HSD17B2: variants seen among roughly 807,000 people sequenced by gnomAD.
HSD17B2 encodes 17-beta-hydroxysteroid dehydrogenase type 2.
A neutral mutation model predicts 26.9 loss-of-function variants in HSD17B2; 32 were observed. That is an observed-to-expected ratio of 1.19 (90% CI 0.90 to 1.60). The LOEUF is 1.60. Among genes scored for constraint, HSD17B2 ranks in the 40% most tolerant of loss-of-function variants. HSD17B2 has a pLI of 0.00. For missense variants in HSD17B2, 613 were observed against 468.6 expected (o/e 1.31, Z -2.85); for synonymous variants, 246 against 186.7 (o/e 1.32, Z -2.59).
intron 1 of HSD17B2, among the ~76,000 whole-genome samples, chr16:82,044,853 C>G (rs572241198): frequency 5.3e-4 from 81 of 152,182 alleles, no homozygotes; most frequent in African/African-American, 1.9e-3. Context: ...CATGGTGGCT[C>G]ACGCTTGTAA....
intron 4 of HSD17B2, chr16:82,091,761 C>G (rs1904701496): frequency 6.6e-6 from 1 of 152,552 alleles, no homozygotes; most frequent in African/African-American, 2.4e-5. Flanking sequence ...CTCCAGCTCT[C>G]AGTGTCCACC....
At position 82,098,093 on chromosome 16, in the gene HSD17B2, A is replaced by G; in HGVS notation, c.821A>G (p.Asp274Gly). The G allele has an allele frequency of 6.2e-7, 1 of 1,612,870 alleles. No individual in the cohort carries two copies. Among genetic ancestry groups the G allele is most frequent in the South Asian group, 1.1e-5 (1 of 90,922 alleles). ...GFLTNIAGTS[D>G]KWEKLEKDIL... ...ACCCCAGATATCGCAGGCACCAGTGACAAGTGGGAAAAGCTGGAGAAGGAC... is the reference window on the plus strand; with the variant it reads ...ACCCCAGATATCGCAGGCACCAGTGGCAAGTGGGAAAAGCTGGAGAAGGAC... Residue 274 changes from aspartate (D) to glycine (G), a missense_variant, in exon 5 of 5, where the codon GAC (aspartate) becomes GGC (glycine). Coordinates refer to ENST00000199936, the MANE Select transcript of HSD17B2 (RefSeq NM_002153.3).
chr16:82,074,521 A>C (rs902870143), intron 3 of HSD17B2, among the ~76,000 whole-genome samples: 1 of 152,260 alleles, frequency 6.6e-6, no homozygotes, highest in South Asian at 2.1e-4. Flanking sequence ...TTTCATGCAA[A>C]TGGGAACCAA....
intron 1 of HSD17B2, among the ~76,000 whole-genome samples, chr16:82,036,443 A>G (rs972773236): frequency 6.6e-6 from 1 of 151,746 alleles, no homozygotes; most frequent in Non-Finnish European, 1.5e-5. Flanking sequence ...TTAAGCTTGG[A>G]TAGGGCTGTA....
At chr16:82,090,837 A>G in intron 3 of HSD17B2, 65 bp from the exon 4 acceptor site, 3 of 1,450,384 alleles carry the variant, frequency 2.1e-6, no homozygotes, top group Non-Finnish European at 1.9e-6. Flanking sequence ...CACTGATTAA[A>G]TATTTATTGG....
At chr16:82,055,876 T>A (rs1914251073) in intron 1 of HSD17B2, among the ~76,000 whole-genome samples, 1 of 152,058 alleles carries the variant, frequency 6.6e-6, no homozygotes, top group Non-Finnish European at 1.5e-5. Context: ...TGGTGAGGAG[T>A]ACTGGAGTGA....
chr16:82,096,979 T>G (rs964457118), intron 4 of HSD17B2: 1 of 151,992 alleles, frequency 6.6e-6, no homozygotes, highest in Admixed American at 6.6e-5. Flanking sequence ...AAAGGAGAGA[T>G]TTTAAGGCTG....
intron 4 of HSD17B2, chr16:82,092,902 A>G (rs1159645892): frequency 2.0e-5 from 3 of 152,192 alleles, no homozygotes; most frequent in Non-Finnish European, 4.4e-5. Flanking sequence ...GTTTGGTGAC[A>G]CAGCCCAAAG....
intron 3 of HSD17B2, among the ~76,000 whole-genome samples, chr16:82,072,728 T>C (rs1914725167): frequency 6.6e-6 from 1 of 151,914 alleles, no homozygotes; most frequent in South Asian, 2.1e-4. Context: ...GAGTGAAAAA[T>C]GGAAAATGGA....
At chr16:82,078,376 C>A (rs1904314392) in intron 3 of HSD17B2, among the ~76,000 whole-genome samples, 1 of 152,148 alleles carries the variant, frequency 6.6e-6, no homozygotes, top group South Asian at 2.1e-4. Context: ...ATCCAAAAGT[C>A]AGGCAATAAC....
chr16:82,045,045 C>T (rs1469359576), intron 1 of HSD17B2, among the ~76,000 whole-genome samples: 1 of 136,304 alleles, frequency 7.3e-6, no homozygotes, highest in Non-Finnish European at 1.5e-5. Flanking sequence ...ATCGCTTGAA[C>T]ATGAGAGGCA....
intron 1 of HSD17B2, among the ~76,000 whole-genome samples, chr16:82,061,062 C>A (rs1914425145): frequency 6.6e-6 from 1 of 152,000 alleles, no homozygotes; most frequent in South Asian, 2.1e-4. Flanking sequence ...AGTTCAAGAC[C>A]AGCCTGGCCA....
At chr16:82,066,045 G>C (rs922124566) in intron 1 of HSD17B2, among the ~76,000 whole-genome samples, 1 of 152,172 alleles carries the variant, frequency 6.6e-6, no homozygotes, top group African/African-American at 2.4e-5. Context: ...AGTTGGATTT[G>C]TCCAGCAACA....
intron 1 of HSD17B2, among the ~76,000 whole-genome samples, chr16:82,037,073 C>G (rs932380435): frequency 7.9e-5 from 12 of 152,214 alleles, no homozygotes; most frequent in African/African-American, 2.9e-4. Context: ...GCACCCAACT[C>G]AGTGAGCCCA....
At chr16:82,087,998 C>T (rs144755200) in intron 3 of HSD17B2, among the ~76,000 whole-genome samples, 6 of 152,290 alleles carry the variant, frequency 3.9e-5, no homozygotes, top group Non-Finnish European at 5.9e-5. Context: ...TTTCAACATA[C>T]GCTTTTGGAG....
chr16:82,091,410 C>G, intron 4 of HSD17B2: 1 of 287,584 alleles, frequency 3.5e-6, no homozygotes, highest in Non-Finnish European at 6.7e-6. Flanking sequence ...CCCACAGAGA[C>G]AGAGAAACAG....
chr16:82,094,082 A>G (rs1442255302), intron 4 of HSD17B2: 4 of 152,208 alleles, frequency 2.6e-5, no homozygotes, highest in Admixed American at 2.6e-4. Flanking sequence ...TGGCTGCTTT[A>G]CCACATCCTG....
chr16:82,045,622 T>C (rs1373922840), intron 1 of HSD17B2, among the ~76,000 whole-genome samples: 1 of 152,262 alleles, frequency 6.6e-6, no homozygotes, highest in Non-Finnish European at 1.5e-5. Flanking sequence ...TTAATGTGCC[T>C]CATCAGCCTC....
At chr16:82,066,106 ATAT>A (rs769263162) in intron 1 of HSD17B2, among the ~76,000 whole-genome samples, 1 of 152,214 alleles carries the variant, frequency 6.6e-6, no homozygotes, top group Non-Finnish European at 1.5e-5. Flanking sequence ...CACATATATT[ATAT>A]ATTAGTACCA....
Sources: allele counts gnomAD v4.1 joint callset (sites outside exome capture counted in the v4.1 genomes callset), GRCh38; gene constraint gnomAD v4.1.1; transcripts MANE v1.5; gene names NCBI Gene and HGNC (gene_info 2026-07-23, HGNC 2026-07-21).